Variants in TMEM232 observed in about 807,000 individuals in gnomAD.
The protein encoded by TMEM232 is transmembrane protein 232.
A neutral mutation model predicts 78.8 loss-of-function variants in TMEM232; 80 were observed. The ratio of observed to expected loss-of-function variants is 1.01; its 90% CI spans 0.85 to 1.22. TMEM232 has a LOEUF of 1.22. Among genes scored for constraint, TMEM232 ranks in the 50% most tolerant of loss-of-function variants. TMEM232 has a pLI of 0.00. For missense variants in TMEM232, 881 were observed against 742.2 expected, an observed-to-expected ratio of 1.19 and a Z score of -2.17; for synonymous variants, 297 against 254.3, an observed-to-expected ratio of 1.17 and a Z score of -1.60.
At chr5:110,469,905 A>G (rs1418974840) in intron 12 of TMEM232, among the ~76,000 whole-genome samples, 2 of 152,324 alleles carry the variant, frequency 1.3e-5, no homozygotes, top group East Asian at 3.9e-4. Context: ...AAGTTGGAAT[A>G]GTCCCCTAAA....
rs532699941 is a variant in TMEM232 at position 110,603,275 on chromosome 5, G to A, written c.1276+1834C>T. 7.2e-5 allele frequency among the ~76,000 whole-genome samples: 11 copies of A among 152,236 alleles called. No homozygotes were observed. The South Asian group carries it at 2.3e-3, about 32-fold the overall frequency. On this transcript the variant is annotated intron_variant, in intron 10 of 13. Coordinates refer to ENST00000455884, the MANE Select transcript of TMEM232 (RefSeq NM_001039763.4). ...TAACAAGCCTGCAAGTTCTACACAT[G>A]TATCCCAGAACTTAAAGTATAATAA...
chr5:110,509,037 CACAT>C (rs1160111105), intron 12 of TMEM232, among the ~76,000 whole-genome samples: 1 of 143,346 alleles, frequency 7.0e-6, no homozygotes, highest in Non-Finnish European at 1.5e-5. Context: ...TATATACACA[CACAT>C]ATATGTGTAT....
intron 1 of TMEM232, among the ~76,000 whole-genome samples, chr5:110,685,322 C>CA (rs1561511628): frequency 2.0e-5 from 3 of 151,702 alleles, no homozygotes; most frequent in East Asian, 1.9e-4. Flanking sequence ...AAGTAGACCC[C>CA]AAAAAAGTGG....
intron 1 of TMEM232, among the ~76,000 whole-genome samples, chr5:110,692,777 T>C (rs2150232152): frequency 6.6e-6 from 1 of 152,184 alleles, no homozygotes; most frequent in East Asian, 1.9e-4. Context: ...TTGCCAAGGC[T>C]TGAGTAGGTA....
chr5:110,592,938 T>A (rs1779703499), intron 10 of TMEM232, among the ~76,000 whole-genome samples: 1 of 152,180 alleles, frequency 6.6e-6, no homozygotes, highest in Non-Finnish European at 1.5e-5. Flanking sequence ...AGTACCAACT[T>A]TGATGAAACT....
intron 1 of TMEM232, among the ~76,000 whole-genome samples, chr5:110,679,066 G>C (rs1336762932): frequency 6.6e-6 from 1 of 152,152 alleles, no homozygotes; most frequent in East Asian, 1.9e-4. Flanking sequence ...TATGGTAAGA[G>C]TATTTCTTAC....
At chr5:110,655,109 G>A (rs1788849580) in intron 2 of TMEM232, among the ~76,000 whole-genome samples, 1 of 151,986 alleles carries the variant, frequency 6.6e-6, no homozygotes, top group Admixed American at 6.6e-5. Flanking sequence ...CCATCAGAGT[G>A]AACAGGCAAC....
At chr5:110,456,500 A>C (rs1236063574) in intron 12 of TMEM232, among the ~76,000 whole-genome samples, 2 of 152,164 alleles carry the variant, frequency 1.3e-5, no homozygotes, top group South Asian at 2.1e-4. Context: ...CAATAATCAC[A>C]ATCAAAATCT....
chr5:110,607,838 A>G (rs1580344253), intron 8 of TMEM232, among the ~76,000 whole-genome samples: 1 of 151,888 alleles, frequency 6.6e-6, no homozygotes, highest in African/African-American at 2.4e-5. Context: ...CTTGTAATGC[A>G]TATATTCCAT....
chr5:110,500,313 A>G lies in TMEM232; in HGVS notation c.1703+28275T>C, dbSNP rs1363368342. Among the ~76,000 whole-genome samples the G allele has an allele frequency of 8.4e-4, 127 of 150,732 alleles. 1 individual carries two copies. Among genetic ancestry groups the G allele is most frequent in the African/African-American group, 2.7e-3 (109 of 40,962 alleles). ...CAAAAAAAAAAAAAAAAAAAGAAAG[A>G]AAGAAAAACTGAAAAAGTTTAATTT... On this transcript the variant is annotated intron_variant, in intron 12 of 13. Transcript: ENST00000455884.
At position 110,625,311 on chromosome 5, in the gene TMEM232, G is replaced by T; in HGVS notation, c.724C>A (p.Pro242Thr). ...TCATATCTTTTCTTATCTTCCACAG[G>T]TCTAAAAATGGATTCAGAACGGAGT... ...RELRSESIFR[P>T]VEDKKRYENT... is the part of the protein sequence containing the mutation. Residue 242 changes from proline to threonine, a missense_variant, in exon 7 of 14, where the codon CCT (proline) becomes ACT (threonine). Pro to Thr is a conservative substitution (Grantham distance 38, BLOSUM62 -1). Coordinates refer to ENST00000455884, the MANE Select transcript of TMEM232 (RefSeq NM_001039763.4). 1 of 1,545,182 alleles carries T rather than the reference G, an allele frequency of 6.5e-7. No individual in the cohort carries two copies. The highest frequency in any genetic ancestry group is 1.2e-5 in the South Asian group (1 of 82,892).
chr5:110,533,275 A>C (rs939159228), intron 11 of TMEM232, among the ~76,000 whole-genome samples: 1 of 152,188 alleles, frequency 6.6e-6, no homozygotes, highest in Non-Finnish European at 1.5e-5. Context: ...CTATCTCGGC[A>C]TAATTCTCAT....
At chr5:110,710,860 A>C (rs995374618) in intron 1 of TMEM232, among the ~76,000 whole-genome samples, 3 of 152,190 alleles carry the variant, frequency 2.0e-5, no homozygotes, top group East Asian at 3.9e-4. Context: ...GGGACATGAC[A>C]AGGATGCCCA....
chr5:110,636,738 T>C (rs991263061), intron 5 of TMEM232, among the ~76,000 whole-genome samples: 1 of 152,024 alleles, frequency 6.6e-6, no homozygotes, highest in African/African-American at 2.4e-5. Context: ...AAATCATGAA[T>C]AATCCTCTTA....
chr5:110,503,837 G>A (rs1766553765), intron 12 of TMEM232, among the ~76,000 whole-genome samples: 1 of 152,180 alleles, frequency 6.6e-6, no homozygotes, highest in African/African-American at 2.4e-5. Context: ...TGAAATGACT[G>A]TGCATAAAAT....
At chr5:110,436,720 T>TC (rs1205693324) in intron 12 of TMEM232, among the ~76,000 whole-genome samples, 5 of 152,032 alleles carry the variant, frequency 3.3e-5, no homozygotes, top group Non-Finnish European at 7.4e-5. Context: ...GAGTGTCTTT[T>TC]CCCCCAACGT....
intron 12 of TMEM232, among the ~76,000 whole-genome samples, chr5:110,491,676 C>T (rs1025082804): frequency 2.0e-5 from 3 of 151,766 alleles, no homozygotes; most frequent in Non-Finnish European, 4.4e-5. Flanking sequence ...AGAAACCTTC[C>T]ATTAATTCAA....
At chr5:110,532,620 T>C (rs1771698639) in intron 11 of TMEM232, among the ~76,000 whole-genome samples, 1 of 152,066 alleles carries the variant, frequency 6.6e-6, no homozygotes. Flanking sequence ...CACTTTTAAC[T>C]AAATTATCTG....
At chr5:110,502,352 G>C (rs568668226) in intron 12 of TMEM232, among the ~76,000 whole-genome samples, 3 of 152,146 alleles carry the variant, frequency 2.0e-5, no homozygotes, top group African/African-American at 7.2e-5. Context: ...TCACCGAGTG[G>C]GAAGGACAAA....
Sources: gnomAD v4.1 joint callset for allele counts (sites outside exome capture counted in the v4.1 genomes callset) on GRCh38, gnomAD v4.1.1 for gene constraint, MANE v1.5 for transcripts, NCBI Gene and HGNC (gene_info 2026-07-23, HGNC 2026-07-21) for gene names.